FAM107B: variants seen among roughly 807,000 people sequenced by gnomAD.
FAM107B encodes the protein protein FAM107B.
Under a neutral mutation model 31.5 loss-of-function variants are expected in FAM107B, and 21 were observed. That is an observed-to-expected ratio of 0.67 (90% CI 0.47 to 0.96). The LOEUF is 0.96. Among genes scored for constraint, FAM107B ranks in the 40% least tolerant of loss-of-function variants. The pLI is 0.00. For synonymous variants in FAM107B, 157 were observed against 141.5 expected, an observed-to-expected ratio of 1.11 and a Z score of -0.78; for missense variants, 452 against 377.1, an observed-to-expected ratio of 1.20 and a Z score of -1.64.
chr10:14,755,169 T>G (rs1392795494), intron 1 of FAM107B, among the ~76,000 whole-genome samples: 1 of 152,162 alleles, frequency 6.6e-6, no homozygotes, highest in African/African-American at 2.4e-5. Context: ...TGTGGAGTAT[T>G]TAACACCAAC....
chr10:14,552,080 C>T lies in FAM107B; in HGVS notation c.470-21565G>A, dbSNP rs79562887. Among the ~76,000 whole-genome samples, 725 of 152,242 alleles carry T rather than the reference C, an allele frequency of 4.8e-3. 9 individuals are homozygous for T. Among genetic ancestry groups the T allele is most frequent in the African/African-American group, 0.016 (670 of 41,536 alleles). Reference sequence around the variant, plus strand: ...AAGAAAAATGACAGCCTTAGAGAAACAAAACATTTTTAATTTGAAAAGGAC... The same window carrying T: ...AAGAAAAATGACAGCCTTAGAGAAATAAAACATTTTTAATTTGAAAAGGAC... On this transcript the variant is annotated intron_variant, in intron 2 of 4. Coordinates refer to ENST00000181796, the MANE Select transcript of FAM107B (RefSeq NM_031453.4).
intron 1 of FAM107B, among the ~76,000 whole-genome samples, chr10:14,715,131 G>C (rs1205753309): frequency 6.6e-6 from 1 of 152,016 alleles, no homozygotes; most frequent in Non-Finnish European, 1.5e-5. Context: ...TCCAACACAA[G>C]ACAGAAAAGG....
chr10:14,617,055 A>T (rs1271611064), intron 2 of FAM107B, among the ~76,000 whole-genome samples: 1 of 152,152 alleles, frequency 6.6e-6, no homozygotes, highest in African/African-American at 2.4e-5. Flanking sequence ...GAAAAGAGAG[A>T]AGAAAGAGAA....
rs1564599675 is a variant in FAM107B at position 14,611,487 on chromosome 10, TATATATATATA to T, written c.469+56136_469+56146del. ...AATAACTAGTTGAATGCCAGTTTTA[TATATATATATA>T]TATATATATATATATATATATATAT... On this transcript the variant is annotated intron_variant, in intron 2 of 4. Coordinates refer to ENST00000181796, the MANE Select transcript of FAM107B (RefSeq NM_031453.4). 2.4e-3 allele frequency among the ~76,000 whole-genome samples: 14 copies of T among 5,818 alleles called. 1 individual carries two copies. In the South Asian group the frequency reaches 0.043, roughly 18 times the overall value. The allele number at this position is 5,818 out of a possible 152,430, so 3.8% of individuals were successfully genotyped here. A position where few individuals can be genotyped will look rare whatever the true frequency, so the allele number is the denominator to read the frequency against.
intron 3 of FAM107B, among the ~76,000 whole-genome samples, chr10:14,524,301 C>T (rs766296223): frequency 3.3e-5 from 5 of 152,126 alleles, no homozygotes; most frequent in Non-Finnish European, 5.9e-5. Flanking sequence ...CCTTGGCCTC[C>T]CAAAGTGGTG....
intron 2 of FAM107B, among the ~76,000 whole-genome samples, chr10:14,559,832 G>A (rs1042853333): frequency 6.6e-6 from 1 of 151,526 alleles, no homozygotes; most frequent in African/African-American, 2.4e-5. Context: ...GCCTCCCAAA[G>A]TGCTGGGATT....
At chr10:14,735,911 C>G (rs746992440) in intron 1 of FAM107B, among the ~76,000 whole-genome samples, 5 of 152,036 alleles carry the variant, frequency 3.3e-5, no homozygotes, top group Non-Finnish European at 5.9e-5. Flanking sequence ...ACTAAAATGT[C>G]CCAAAGGGCT....
At chr10:14,658,959 G>A (rs1854147740) in intron 2 of FAM107B, among the ~76,000 whole-genome samples, 1 of 152,198 alleles carries the variant, frequency 6.6e-6, no homozygotes, top group Admixed American at 6.5e-5. Context: ...GGAAGTAAGA[G>A]TTGAAGGAAA....
chr10:14,634,048 T>C (rs1465859586), intron 2 of FAM107B, among the ~76,000 whole-genome samples: 1 of 152,148 alleles, frequency 6.6e-6, no homozygotes, highest in African/African-American at 2.4e-5. Context: ...TTGTCCCTAA[T>C]TGAGTTATGC....
chr10:14,667,839 C>T, intron 1 of FAM107B, 148 bp from the exon 2 acceptor site: 1 of 738,270 alleles, frequency 1.4e-6, no homozygotes, highest in South Asian at 1.8e-5. Context: ...AGGTTTTGGA[C>T]AAGCTACTAC....
chr10:14,599,771 C>G (rs554992494), intron 2 of FAM107B, among the ~76,000 whole-genome samples: 3 of 147,506 alleles, frequency 2.0e-5, no homozygotes, highest in East Asian at 3.9e-4. Flanking sequence ...CTCAACACAA[C>G]TCCCTCTTTG....
intron 1 of FAM107B, among the ~76,000 whole-genome samples, chr10:14,671,319 C>T (rs1054230399): frequency 6.6e-6 from 1 of 152,070 alleles, no homozygotes; most frequent in Non-Finnish European, 1.5e-5. Flanking sequence ...TGAAAAGGCT[C>T]GCCAACAATT....
At chr10:14,617,602 GA>G (rs1487386513) in intron 2 of FAM107B, among the ~76,000 whole-genome samples, 2 of 152,190 alleles carry the variant, frequency 1.3e-5, no homozygotes, top group Non-Finnish European at 2.9e-5. Flanking sequence ...TTTGAGCAGA[GA>G]CAAAAGTAAA....
chr10:14,686,000 C>T (rs1854975594), intron 1 of FAM107B, among the ~76,000 whole-genome samples: 1 of 152,144 alleles, frequency 6.6e-6, no homozygotes, highest in Admixed American at 6.5e-5. Flanking sequence ...GGGACCTATT[C>T]ACTACCACGA....
rs148534252 is a variant in FAM107B at position 14,634,926 on chromosome 10, C to G, written c.469+32708G>C. On this transcript the variant is annotated intron_variant, in intron 2 of 4. Coordinates refer to ENST00000181796, the MANE Select transcript of FAM107B (RefSeq NM_031453.4). ...CCAACATGGTGAAACCCCATCTCTA[C>G]TAAAATACAAAAATTAGCCAGGCAT... Among the ~76,000 whole-genome samples the G allele has an allele frequency of 9.4e-3, 1,422 of 151,982 alleles. 13 individuals carry two copies. The highest frequency in any genetic ancestry group is 0.033 in the African/African-American group (1,362 of 41,440).
At chr10:14,710,431 TACACACACACACACACACACAC>T (rs57418409) in intron 1 of FAM107B, among the ~76,000 whole-genome samples, 3 of 146,522 alleles carry the variant, frequency 2.0e-5, no homozygotes, top group Middle Eastern at 3.5e-3. Context: ...TCTCTAAAAA[TACACACACACACACACACACAC>T]ACACACACAC....
chr10:14,559,301 G>T (rs1373632969), intron 2 of FAM107B, among the ~76,000 whole-genome samples: 1 of 152,120 alleles, frequency 6.6e-6, no homozygotes, highest in Non-Finnish European at 1.5e-5. Context: ...GACCAAGCGC[G>T]TGAGCCAGCC....
intron 1 of FAM107B, among the ~76,000 whole-genome samples, chr10:14,749,808 A>G (rs1832793197): frequency 6.6e-6 from 1 of 152,222 alleles, no homozygotes; most frequent in African/African-American, 2.4e-5. Context: ...CACAGTTCCA[A>G]AACCACATTA....
Position 14,539,029 on chromosome 10 carries a change from C to G in FAM107B, c.470-8514G>C, listed in dbSNP as rs901519259. On this transcript the variant is annotated intron_variant, in intron 2 of 4. Coordinates refer to ENST00000181796, the MANE Select transcript of FAM107B (RefSeq NM_031453.4). ...ATCTACCATCCACAGTACTTGCCCA[C>G]GTGGCAGATGCTCAACAAAGTAGGC... 2.0e-5 allele frequency among the ~76,000 whole-genome samples: 3 copies of G among 152,224 alleles called. No homozygotes were observed. The South Asian group carries it at 6.2e-4, about 32-fold the overall frequency.
Sources: allele counts gnomAD v4.1 joint callset (sites outside exome capture counted in the v4.1 genomes callset), GRCh38; gene constraint gnomAD v4.1.1; transcripts MANE v1.5; gene names NCBI Gene and HGNC (gene_info 2026-07-23, HGNC 2026-07-21).